GALNT11: variants seen among roughly 807,000 people sequenced by gnomAD.
GALNT11 encodes polypeptide N-acetylgalactosaminyltransferase 11.
A neutral mutation model predicts 72.7 loss-of-function variants in GALNT11; 47 were observed. The ratio of observed to expected loss-of-function variants is 0.65; its 90% CI spans 0.51 to 0.82. The LOEUF is 0.82. Ranked by LOEUF, GALNT11 falls within the 40% of genes least tolerant of loss-of-function variation. GALNT11 has a pLI of 0.00. For synonymous variants in GALNT11, 270 were observed against 286.6 expected, an observed-to-expected ratio of 0.94 and a Z score of 0.58; for missense variants, 677 against 778.4, an observed-to-expected ratio of 0.87 and a Z score of 1.55.
chr7:152,110,367 G>A (rs2088050853), intron 6 of GALNT11, among the ~76,000 whole-genome samples, 161 bp from the exon 7 acceptor site: 1 of 152,182 alleles, frequency 6.6e-6, no homozygotes, highest in East Asian at 1.9e-4. Context: ...AAATTCAGTT[G>A]TATGGCCTGG....
At chr7:152,091,004 A>C (rs2085987768) in intron 1 of GALNT11, among the ~76,000 whole-genome samples, 1 of 152,032 alleles carries the variant, frequency 6.6e-6, no homozygotes, top group South Asian at 2.1e-4. Flanking sequence ...GGGTAGATGC[A>C]GCTGAGGAGT....
chr7:152,114,514 C>T (rs1563081996), intron 8 of GALNT11, among the ~76,000 whole-genome samples: 1 of 152,068 alleles, frequency 6.6e-6, no homozygotes, highest in African/African-American at 2.4e-5. Context: ...TATGAACAGA[C>T]CACATTTTAC....
intron 1 of GALNT11, among the ~76,000 whole-genome samples, chr7:152,050,355 C>T (rs1206971193): frequency 6.6e-6 from 1 of 152,178 alleles, no homozygotes; most frequent in African/African-American, 2.4e-5. Flanking sequence ...TAGGTCCTTC[C>T]GTTCAAGGTA....
intron 1 of GALNT11, among the ~76,000 whole-genome samples, chr7:152,041,765 C>T (rs909181238): frequency 6.6e-6 from 1 of 152,214 alleles, no homozygotes; most frequent in African/African-American, 2.4e-5. Context: ...ATGCCTAGAG[C>T]AGGTCATATC....
At chr7:152,116,451 C>T (rs931841080) in intron 8 of GALNT11, among the ~76,000 whole-genome samples, 8 of 152,038 alleles carry the variant, frequency 5.3e-5, no homozygotes, top group Non-Finnish European at 7.4e-5. Flanking sequence ...TTTGGCCAGG[C>T]GGGTCTCAAA....
At chr7:152,058,930 A>G (rs997067713) in intron 1 of GALNT11, among the ~76,000 whole-genome samples, 7 of 152,126 alleles carry the variant, frequency 4.6e-5, no homozygotes, top group Non-Finnish European at 8.8e-5. Context: ...TTCTCTTGCT[A>G]TTTCCACCCT....
intron 1 of GALNT11, among the ~76,000 whole-genome samples, chr7:152,042,082 T>C (rs963338366): frequency 6.6e-6 from 1 of 152,244 alleles, no homozygotes; most frequent in Non-Finnish European, 1.5e-5. Context: ...GCCCTACATA[T>C]ATCTGGCAAA....
chr7:152,047,168 G>C (rs1460847256), intron 1 of GALNT11, among the ~76,000 whole-genome samples: 2 of 152,080 alleles, frequency 1.3e-5, no homozygotes, highest in Non-Finnish European at 2.9e-5. Context: ...CTTGAACTCA[G>C]AAGTTCAAGA....
At chr7:152,098,523 C>T (rs1372810164) in intron 2 of GALNT11, among the ~76,000 whole-genome samples, 1 of 151,980 alleles carries the variant, frequency 6.6e-6, no homozygotes, top group African/African-American at 2.4e-5. Flanking sequence ...GGTCCTCTGG[C>T]ATGTTAATTC....
intron 7 of GALNT11, 79 bp from the exon 8 acceptor site, chr7:152,113,167 T>C: frequency 1.4e-6 from 2 of 1,454,954 alleles, no homozygotes; most frequent in Non-Finnish European, 1.9e-6. Context: ...TGAATAAAGA[T>C]TAATTTCATT....
intron 3 of GALNT11, among the ~76,000 whole-genome samples, chr7:152,102,352 G>A (rs1247782198): frequency 2.0e-5 from 3 of 151,830 alleles, no homozygotes; most frequent in African/African-American, 7.3e-5. Context: ...GACCATCCTG[G>A]CCAATGTGGT....
intron 1 of GALNT11, among the ~76,000 whole-genome samples, chr7:152,030,433 T>C (rs2082254989): frequency 6.6e-6 from 1 of 152,200 alleles, no homozygotes; most frequent in Admixed American, 6.5e-5. Context: ...TATTATAATA[T>C]TGGAATAAAG....
intron 1 of GALNT11, among the ~76,000 whole-genome samples, chr7:152,028,447 T>C (rs1039656455): frequency 3.9e-5 from 6 of 152,152 alleles, no homozygotes; most frequent in Non-Finnish European, 5.9e-5. Flanking sequence ...CCAAGTCTGC[T>C]ACCCAGTTAG....
intron 1 of GALNT11, 97 bp downstream of exon 1, chr7:152,025,981 G>T (rs1483396546): frequency 6.5e-6 from 1 of 154,644 alleles, no homozygotes; most frequent in Non-Finnish European, 1.4e-5. Flanking sequence ...TGGGGGCGGC[G>T]GCGGGGCAGC....
chr7:152,037,915 C>T (rs879640633), intron 1 of GALNT11, among the ~76,000 whole-genome samples: 10 of 151,920 alleles, frequency 6.6e-5, no homozygotes, highest in Non-Finnish European at 1.5e-4. Context: ...ATTACAGTTG[C>T]CCACCACCAC....
At chr7:152,027,968 G>A (rs1563035264) in intron 1 of GALNT11, among the ~76,000 whole-genome samples, 1 of 152,052 alleles carries the variant, frequency 6.6e-6, no homozygotes, top group Non-Finnish European at 1.5e-5. Context: ...AGTGTTACAG[G>A]TCTTAAAGGT....
At chr7:152,119,904 C>T (rs1482596507) in intron 10 of GALNT11, 1 of 152,138 alleles carries the variant, frequency 6.6e-6, no homozygotes. Context: ...TGTGCATCTT[C>T]TGGGTAGAAG....
chr7:152,045,815 C>G (rs1303658802), intron 1 of GALNT11, among the ~76,000 whole-genome samples: 1 of 151,330 alleles, frequency 6.6e-6, no homozygotes. Flanking sequence ...TGCTTTTCTT[C>G]TAATTTTGGG....
chr7:152,090,249 A>G (rs1223824748), intron 1 of GALNT11, among the ~76,000 whole-genome samples: 3 of 152,216 alleles, frequency 2.0e-5, no homozygotes, highest in African/African-American at 4.8e-5. Context: ...TTGCAAAGGC[A>G]GTTTCATTTT....
Sources: gnomAD v4.1 joint callset for allele counts (sites outside exome capture counted in the v4.1 genomes callset) on GRCh38, gnomAD v4.1.1 for gene constraint, MANE v1.5 for transcripts, NCBI Gene and HGNC (gene_info 2026-07-23, HGNC 2026-07-21) for gene names.